The following PHLDB2 variants were observed in gnomAD, a reference collection of about 807,000 sequenced individuals.
The protein encoded by PHLDB2 is pleckstrin homology like domain family B member 2.
A neutral mutation model predicts 123.6 loss-of-function variants in PHLDB2; 71 were observed. That is an observed-to-expected ratio of 0.57 (90% CI 0.47 to 0.70). PHLDB2 has a LOEUF of 0.70. Among genes scored for constraint, PHLDB2 ranks in the 30% least tolerant of loss-of-function variants. The pLI is 0.00. For missense variants in PHLDB2, 1,446 were observed against 1,519.5 expected, an observed-to-expected ratio of 0.95 and a Z score of 0.80; for synonymous variants, 547 against 541.6, an observed-to-expected ratio of 1.01 and a Z score of -0.14.
chr3:111,892,437 C>T (rs1027939990), intron 2 of PHLDB2, among the ~76,000 whole-genome samples: 1 of 152,188 alleles, frequency 6.6e-6, no homozygotes, highest in Non-Finnish European at 1.5e-5. Context: ...GCATTCTTTA[C>T]ATGTTTTTAA....
intron 1 of PHLDB2, among the ~76,000 whole-genome samples, chr3:111,813,607 T>A (rs1328858265): frequency 6.6e-6 from 1 of 152,112 alleles, no homozygotes; most frequent in Non-Finnish European, 1.5e-5. Flanking sequence ...GAATTCTTAG[T>A]GGAAAAATGA....
chr3:111,945,403 G>C (rs368192433), intron 9 of PHLDB2, 46 bp downstream of exon 9: 64 of 1,373,368 alleles, frequency 4.7e-5, no homozygotes, highest in Non-Finnish European at 6.3e-5. Flanking sequence ...TTAGAAATCA[G>C]GAGATGTATT....
intron 1 of PHLDB2, among the ~76,000 whole-genome samples, chr3:111,837,617 A>C (rs993834944): frequency 1.3e-5 from 2 of 152,224 alleles, no homozygotes; most frequent in African/African-American, 4.8e-5. Context: ...ATCATTTCCA[A>C]AACTCCTTAG....
At chr3:111,761,167 G>A (rs1287839969) in intron 1 of PHLDB2, among the ~76,000 whole-genome samples, 1 of 139,274 alleles carries the variant, frequency 7.2e-6, no homozygotes, top group African/African-American at 2.8e-5. Context: ...CCTAGCGACA[G>A]AGTGAGACTC....
At chr3:111,788,256 G>A (rs1279564473) in intron 1 of PHLDB2, among the ~76,000 whole-genome samples, 2 of 152,192 alleles carry the variant, frequency 1.3e-5, no homozygotes, top group African/African-American at 4.8e-5. Flanking sequence ...TTGGATAGAT[G>A]TCATGTTGTT....
At chr3:111,891,829 A>G (rs1253265797) in intron 2 of PHLDB2, among the ~76,000 whole-genome samples, 1 of 152,130 alleles carries the variant, frequency 6.6e-6, no homozygotes, top group Non-Finnish European at 1.5e-5. Flanking sequence ...AGAGCTTTTT[A>G]TGGTCCAAGG....
rs1407268966 is a variant in PHLDB2 at position 111,884,347 on chromosome 3, A to G, written c.270A>G (p.Gly90=). The G allele has an allele frequency of 6.2e-7, 1 of 1,614,044 alleles. No homozygotes were observed. Among genetic ancestry groups the G allele is most frequent in the Non-Finnish European group, 8.5e-7 (1 of 1,180,034 alleles). Reference sequence around the variant, plus strand: ...GCCCCTCCTTAGCCAAAATCCAGGGAAGCAAGCAGTTCTCTTATGATGGAA... The same window carrying G: ...GCCCCTCCTTAGCCAAAATCCAGGGGAGCAAGCAGTTCTCTTATGATGGAA... The part of the protein sequence containing the change: ...RSSPSLAKIQ[G]SKQFSYDGTD... The change falls in exon 2 of 18, where the codon GGA becomes GGG. Residue 90 remains glycine, a synonymous_variant. Coordinates refer to ENST00000431670, the MANE Select transcript of PHLDB2 (RefSeq NM_001134438.2).
chr3:111,971,068 C>G (rs581126), intron 16 of PHLDB2, among the ~76,000 whole-genome samples: 32,264 of 152,092 alleles, frequency 0.21, 3,759 homozygotes, highest in African/African-American at 0.3. Context: ...AGCCGATGGC[C>G]TGCCGGTCCT....
intron 5 of PHLDB2, among the ~76,000 whole-genome samples, chr3:111,922,397 G>A (rs2068572822): frequency 1.3e-5 from 2 of 152,198 alleles, no homozygotes; most frequent in Admixed American, 1.3e-4. Flanking sequence ...AGGAACACGG[G>A]CAGAAACAAG....
chr3:111,824,518 AG>A (rs1342580532), intron 1 of PHLDB2, among the ~76,000 whole-genome samples: 13 of 152,316 alleles, frequency 8.5e-5, no homozygotes, highest in African/African-American at 2.9e-4. Context: ...AATCAACTAA[AG>A]GTCTCCAGAG....
At chr3:111,840,089 T>A (rs529805674) in intron 1 of PHLDB2, among the ~76,000 whole-genome samples, 1 of 151,296 alleles carries the variant, frequency 6.6e-6, no homozygotes, top group Non-Finnish European at 1.5e-5. Context: ...TTCTAACAAA[T>A]CAAAATAAAA....
At chr3:111,907,271 A>G (rs1029301218) in intron 2 of PHLDB2, among the ~76,000 whole-genome samples, 2 of 152,200 alleles carry the variant, frequency 1.3e-5, no homozygotes, top group Non-Finnish European at 1.5e-5. Context: ...CAGCTATGAT[A>G]AGCACAGTTA....
At chr3:111,825,567 C>T (rs899469258) in intron 1 of PHLDB2, among the ~76,000 whole-genome samples, 3 of 152,220 alleles carry the variant, frequency 2.0e-5, no homozygotes, top group African/African-American at 7.2e-5. Context: ...CGTGCCTCAG[C>T]CTCCTGAGTA....
intron 2 of PHLDB2, among the ~76,000 whole-genome samples, chr3:111,889,257 A>T (rs1257389893): frequency 6.6e-6 from 1 of 152,228 alleles, no homozygotes; most frequent in Non-Finnish European, 1.5e-5. Context: ...CAAGGAAAAG[A>T]TGTGTAGCTG....
intron 1 of PHLDB2, among the ~76,000 whole-genome samples, chr3:111,842,101 T>C (rs928419265): frequency 6.6e-6 from 1 of 152,194 alleles, no homozygotes; most frequent in Non-Finnish European, 1.5e-5. Context: ...TATAGGGTTA[T>C]AGTGAAGTTA....
At chr3:111,943,630 A>C (rs1006993025) in intron 8 of PHLDB2, among the ~76,000 whole-genome samples, 2 of 152,136 alleles carry the variant, frequency 1.3e-5, no homozygotes, top group Non-Finnish European at 2.9e-5. Context: ...AAGAACCGAA[A>C]AGTTACATGG....
At chr3:111,858,435 C>A (rs926324698), upstream of PHLDB2, among the ~76,000 whole-genome samples, 1 of 152,064 alleles carries the variant, frequency 6.6e-6, no homozygotes, top group Non-Finnish European at 1.5e-5. Flanking sequence ...CAAACCTGCA[C>A]GTTCTGCACA....
chr3:111,917,313 C>T (rs769192202), intron 3 of PHLDB2: 1 of 152,176 alleles, frequency 6.6e-6, no homozygotes, highest in Non-Finnish European at 1.5e-5. Context: ...TCTTTACTCC[C>T]TACTTGCTTA....
rs758059422 is a variant in PHLDB2, at chr3:111,885,329, T to A, written c.1252T>A (p.Ser418Thr). 9 of 1,613,950 alleles carry A rather than the reference T, an allele frequency of 5.6e-6. No individual in the cohort carries two copies. The highest frequency in any genetic ancestry group is 7.6e-6 in the Non-Finnish European group (9 of 1,180,024). Residue 418 changes from serine to threonine, a missense_variant, in exon 2 of 18, where the codon TCC becomes ACC. Ser to Thr is a moderately conservative substitution (Grantham distance 58). Around this residue, in one of 3 missense-constraint regions of PHLDB2, gnomAD observed 832 missense variants for 831.9 expected, o/e 1.00. Coordinates refer to ENST00000431670, the MANE Select transcript of PHLDB2 (RefSeq NM_001134438.2). ...ALRERKSSIS[S>T]ISGRDDLMDY... is the part of the protein sequence containing the mutation. ...TCGGGAACGGAAAAGCAGTATTAGCTCCATTTCAGGACGTGATGACCTGAT... is the reference window on the plus strand; with the variant it reads ...TCGGGAACGGAAAAGCAGTATTAGCACCATTTCAGGACGTGATGACCTGAT...
Sources: gnomAD v4.1 joint callset for allele counts (sites outside exome capture counted in the v4.1 genomes callset) on GRCh38, gnomAD v4.1.1 for gene constraint, gnomAD v4.1.1 regional missense constraint, MANE v1.5 for transcripts, NCBI Gene and HGNC (gene_info 2026-07-23, HGNC 2026-07-21) for gene names.